NSUN6: variants seen among roughly 807,000 people sequenced by gnomAD.
NSUN6 encodes the protein tRNA (cytosine(72)-C(5))-methyltransferase NSUN6.
Under a neutral mutation model 58.0 loss-of-function variants are expected in NSUN6, and 64 were observed. The ratio of observed to expected loss-of-function variants is 1.10; its 90% CI spans 0.90 to 1.36. The LOEUF is 1.36. NSUN6 is among the 40% of genes most tolerant of loss of function. The pLI is 0.00. For missense variants in NSUN6, 701 were observed against 550.1 expected (o/e 1.27, Z -2.74); for synonymous variants, 231 against 193.9 (o/e 1.19, Z -1.59).
intron 3 of NSUN6, among the ~76,000 whole-genome samples, chr10:18,625,720 TAAAAAAAA>T (rs71402188): frequency 2.0e-4 from 11 of 53,810 alleles, no homozygotes; most frequent in Non-Finnish European, 2.7e-4. Context: ...GTTTTTTTTT[TAAAAAAAA>T]AAAAAAAAAA....
At chr10:18,653,798 T>A (rs368098125), upstream of NSUN6, among the ~76,000 whole-genome samples, 1 of 152,216 alleles carries the variant, frequency 6.6e-6, no homozygotes, top group African/African-American at 2.4e-5. Flanking sequence ...ATAGTAGATA[T>A]GTGCTATGTA....
intron 7 of NSUN6, among the ~76,000 whole-genome samples, chr10:18,593,266 A>C (rs11015033): frequency 6.6e-6 from 1 of 152,186 alleles, no homozygotes; most frequent in African/African-American, 2.4e-5. Flanking sequence ...GTGGGAGTGT[A>C]AATTAGTTCA....
chr10:18,548,204 C>G lies in NSUN6; in HGVS notation c.1105G>C (p.Val369Leu). The G allele has an allele frequency of 1.9e-6, 3 of 1,613,200 alleles. No individual in the cohort carries two copies. Among genetic ancestry groups the G allele is most frequent in the Non-Finnish European group, 2.5e-6 (3 of 1,179,378 alleles). Residue 369 changes from valine to leucine, a missense_variant, in exon 10 of 11, where the codon GTT becomes CTT. Coordinates refer to ENST00000377304, the MANE Select transcript of NSUN6 (RefSeq NM_182543.5). ...VQLLKPEGVLVYSTCTITLAE... is the reference protein window; with the variant it reads ...VQLLKPEGVLLYSTCTITLAE... ...AGTGTTATAGTGCACGTGCTATAAACCAGCACACCCTCTGGCTTCAGCAGC... is the reference window on the plus strand; with the variant it reads ...AGTGTTATAGTGCACGTGCTATAAAGCAGCACACCCTCTGGCTTCAGCAGC...
At chr10:18,557,889 T>G (rs1341097509) in intron 8 of NSUN6, among the ~76,000 whole-genome samples, 1 of 149,024 alleles carries the variant, frequency 6.7e-6, no homozygotes, top group Non-Finnish European at 1.5e-5. Flanking sequence ...TGGAATGGAA[T>G]GAAATGAAGA....
At chr10:18,596,100 G>C (rs2131206381) in intron 7 of NSUN6, 108 bp downstream of exon 7, 1 of 853,072 alleles carries the variant, frequency 1.2e-6, no homozygotes, top group East Asian at 2.5e-5. Flanking sequence ...TTTTCATTTT[G>C]GCTGAATCTG....
rs763020178 is a variant in NSUN6 at position 18,546,075 on chromosome 10, C to T, written c.1268G>A (p.Arg423Gln). 6.2e-6 allele frequency: 10 copies of T among 1,608,776 alleles called. No homozygotes were observed. The highest frequency in any genetic ancestry group is 7.6e-6 in the Non-Finnish European group (9 of 1,177,774). ...LSCEQLKQLQ[R>Q]FDPSAVPLPD... is the part of the protein sequence containing the mutation. ...TAATGGCACAGCCGATGGATCAAATCGCTGCAGCTGTTTCAACTGTTCACA... is the reference window on the plus strand; with the variant it reads ...TAATGGCACAGCCGATGGATCAAATTGCTGCAGCTGTTTCAACTGTTCACA... Residue 423 changes from arginine to glutamine, a missense_variant, in exon 11 of 11, where the codon CGA becomes CAA. Transcript: ENST00000377304.
At position 18,617,953 on chromosome 10, in the gene NSUN6, C is replaced by A. The variant is rs577109388; in HGVS notation, c.312-1660G>T. ...GCCTCGATCTTGGACTTCGTATCCT[C>A]CAACACTACAAAAAACAAATTTATG... On this transcript the variant is annotated intron_variant, in intron 3 of 10. Coordinates refer to ENST00000377304, the MANE Select transcript of NSUN6 (RefSeq NM_182543.5). 5.3e-5 allele frequency among the ~76,000 whole-genome samples: 8 copies of A among 152,290 alleles called. No individual in the cohort carries two copies. The East Asian group carries it at 1.5e-3, about 29-fold the overall frequency.
chr10:18,600,029 A>G (rs1057412880), intron 6 of NSUN6, among the ~76,000 whole-genome samples: 1 of 152,212 alleles, frequency 6.6e-6, no homozygotes, highest in East Asian at 1.9e-4. Context: ...TTAACTTTAC[A>G]AAGTATCTTT....
chr10:18,550,937 G>C (rs2054560613), intron 9 of NSUN6, among the ~76,000 whole-genome samples: 1 of 151,974 alleles, frequency 6.6e-6, no homozygotes, highest in Non-Finnish European at 1.5e-5. Flanking sequence ...TGTTGGCCAG[G>C]CTGGTCTCGA....
At chr10:18,564,307 C>T (rs1033909793) in intron 8 of NSUN6, among the ~76,000 whole-genome samples, 1 of 151,604 alleles carries the variant, frequency 6.6e-6, no homozygotes, top group African/African-American at 2.4e-5. Context: ...CCATTCCATT[C>T]CACTCCTTTC....
At chr10:18,593,942 G>A (rs1214366007) in intron 7 of NSUN6, among the ~76,000 whole-genome samples, 1 of 151,618 alleles carries the variant, frequency 6.6e-6, no homozygotes, top group Admixed American at 6.6e-5. Flanking sequence ...GCTCATGCCT[G>A]TAATCCCAGC....
At chr10:18,561,664 T>C (rs2055520126) in intron 8 of NSUN6, among the ~76,000 whole-genome samples, 2 of 146,576 alleles carry the variant, frequency 1.4e-5, no homozygotes, top group African/African-American at 5.1e-5. Flanking sequence ...TGGAATGGAA[T>C]GGAGAATGGA....
chr10:18,555,059 G>A (rs1051067197), intron 8 of NSUN6, among the ~76,000 whole-genome samples: 1 of 150,860 alleles, frequency 6.6e-6, no homozygotes, highest in African/African-American at 2.4e-5. Flanking sequence ...AATGGAGAAT[G>A]GAATGGAGTG....
At chr10:18,653,867 C>T (rs1179933800), upstream of NSUN6, among the ~76,000 whole-genome samples, 1 of 152,136 alleles carries the variant, frequency 6.6e-6, no homozygotes, top group African/African-American at 2.4e-5. Flanking sequence ...GCTACAAGTT[C>T]TTCATATGGG....
chr10:18,626,829 A>T (rs966530848), intron 3 of NSUN6, among the ~76,000 whole-genome samples: 1 of 152,240 alleles, frequency 6.6e-6, no homozygotes, highest in Non-Finnish European at 1.5e-5. Flanking sequence ...ATCCAGTCTC[A>T]TTTGGATTTC....
intron 8 of NSUN6, among the ~76,000 whole-genome samples, chr10:18,560,887 G>A (rs1017075763): frequency 6.6e-6 from 1 of 150,990 alleles, no homozygotes; most frequent in Non-Finnish European, 1.5e-5. Flanking sequence ...AGAATGGAAT[G>A]GAATGGAGGA....
chr10:18,652,458 T>A (rs973180119), upstream of NSUN6: 4 of 984,090 alleles, frequency 4.1e-6, no homozygotes, highest in African/African-American at 7.0e-5. Context: ...CACACACACA[T>A]AGAACAGGTA....
intron 6 of NSUN6, among the ~76,000 whole-genome samples, chr10:18,606,290 T>C (rs140395052): frequency 7.9e-5 from 12 of 152,030 alleles, no homozygotes; most frequent in African/African-American, 2.4e-4. Flanking sequence ...GGTATTCTTC[T>C]CAAAAATCCA....
At chr10:18,619,921 C>G (rs1368500707) in intron 3 of NSUN6, among the ~76,000 whole-genome samples, 4 of 151,962 alleles carry the variant, frequency 2.6e-5, no homozygotes, top group Non-Finnish European at 4.4e-5. Flanking sequence ...AATATTTTTA[C>G]TATGTGCGAT....
Sources: gnomAD v4.1 joint callset for allele counts (sites outside exome capture counted in the v4.1 genomes callset) on GRCh38, gnomAD v4.1.1 for gene constraint, MANE v1.5 for transcripts, NCBI Gene and HGNC (gene_info 2026-07-23, HGNC 2026-07-21) for gene names.